Variants in OOSP3 observed in about 807,000 individuals in gnomAD.
OOSP3 encodes oocyte-secreted protein 3.
intron 2 of OOSP3, among the ~76,000 whole-genome samples, chr11:59,885,627 A>T (rs1590873376): frequency 6.6e-6 from 1 of 152,298 alleles, no homozygotes; most frequent in East Asian, 1.9e-4. Flanking sequence ...AACTCCATCC[A>T]TGTCCCAGCA....
chr11:59,880,637 A>G (rs976475612), intron 2 of OOSP3, among the ~76,000 whole-genome samples, 198 bp downstream of exon 2: 2 of 152,152 alleles, frequency 1.3e-5, no homozygotes, highest in Non-Finnish European at 2.9e-5. Context: ...GGAGGAGAAT[A>G]CTTCAACATA....
Position 59,895,660 on chromosome 11 carries a change from T to C in OOSP3, c.501+8T>C. ...TATTTTCAAAACTCCTCGGTGAGGA[T>C]CCTTAGAAGAGACAAAACATGGCAG... On this transcript the variant is annotated splice_region_variant and intron_variant, in intron 4 of 4. Transcript: ENST00000646438. 1 of 398,396 alleles carries C rather than the reference T, an allele frequency of 2.5e-6. No homozygotes were observed. Among genetic ancestry groups the C allele is most frequent in the Non-Finnish European group, 4.4e-6 (1 of 225,916 alleles). The allele number at this position is 398,396 out of a possible 1,614,324, so 24.7% of individuals were successfully genotyped here.
exon 5 of OOSP3, chr11:59,896,243 T>C (rs1853356615): frequency 2.5e-6 from 1 of 398,274 alleles, no homozygotes; most frequent in South Asian, 1.3e-4. Context: ...GAAAACTCTG[T>C]TGCTACAGCT....
intron 2 of OOSP3, among the ~76,000 whole-genome samples, chr11:59,889,058 A>AT (rs1590874375): frequency 6.6e-6 from 1 of 151,430 alleles, no homozygotes; most frequent in East Asian, 1.9e-4. Flanking sequence ...GAGTTTATCC[A>AT]TTTTTTTCTA....
intron 2 of OOSP3, among the ~76,000 whole-genome samples, chr11:59,888,509 G>A (rs1184487704): frequency 2.0e-5 from 3 of 152,096 alleles, no homozygotes; most frequent in Admixed American, 6.6e-5. Context: ...TAACATGAAG[G>A]GATGTTGAAT....
At chr11:59,895,440 C>T (rs1436646570) in intron 3 of OOSP3, 62 bp from the exon 4 acceptor site, 2 of 396,738 alleles carry the variant, frequency 5.0e-6, no homozygotes, top group Non-Finnish European at 8.9e-6. Flanking sequence ...AAGAGACTTA[C>T]TGGTTTGTTT....
chr11:59,892,264 G>C (rs1853318889), intron 2 of OOSP3, among the ~76,000 whole-genome samples: 1 of 152,144 alleles, frequency 6.6e-6, no homozygotes, highest in Admixed American at 6.5e-5. Flanking sequence ...TCCCTTGACT[G>C]GGGGAGGGAC....
chr11:59,882,084 C>G (rs1853207039), intron 2 of OOSP3, among the ~76,000 whole-genome samples: 1 of 151,964 alleles, frequency 6.6e-6, no homozygotes, highest in Non-Finnish European at 1.5e-5. Context: ...CAAAGTATGA[C>G]TTATTATGGA....
At chr11:59,889,602 G>A (rs964024107) in intron 2 of OOSP3, among the ~76,000 whole-genome samples, 5 of 151,298 alleles carry the variant, frequency 3.3e-5, no homozygotes, top group African/African-American at 1.2e-4. Flanking sequence ...GTAATTGTGT[G>A]GTTTTGAGTG....
chr11:59,882,989 C>A (rs1161737956), intron 2 of OOSP3, among the ~76,000 whole-genome samples: 1 of 152,050 alleles, frequency 6.6e-6, no homozygotes, highest in Non-Finnish European at 1.5e-5. Context: ...TAATTGTTTT[C>A]ATTTTTTGTT....
chr11:59,887,509 G>A (rs1026315182), intron 2 of OOSP3, among the ~76,000 whole-genome samples: 18 of 152,118 alleles, frequency 1.2e-4, no homozygotes, highest in African/African-American at 4.1e-4. Context: ...TCAATTTTCT[G>A]CATATGACTA....
At chr11:59,891,281 C>T (rs1045108870) in intron 2 of OOSP3, among the ~76,000 whole-genome samples, 1 of 152,200 alleles carries the variant, frequency 6.6e-6, no homozygotes, top group East Asian at 1.9e-4. Context: ...TCTGTCAGTT[C>T]ATCCATCTCA....
chr11:59,895,964 A>G (rs1418910939), intron 4 of OOSP3, among the ~76,000 whole-genome samples, 169 bp from the exon 5 acceptor site: 1 of 152,208 alleles, frequency 6.6e-6, no homozygotes, highest in African/African-American at 2.4e-5. Context: ...GTGCTCAGAC[A>G]CTTGAATAAA....
rs545822505 is a variant in OOSP3, at chr11:59,881,351, C to T, written c.252+912C>T. Among the ~76,000 whole-genome samples the T allele has an allele frequency of 9.5e-5, 14 of 146,712 alleles. No individual in the cohort carries two copies. The East Asian group carries it at 2.2e-3, about 23-fold the overall frequency. On this transcript the variant is annotated intron_variant, in intron 2 of 4. Transcript: ENST00000646438. The stretch of plus-strand genomic sequence containing the variant: ...CTGCACCCCAGCCTGGGTGACAGAG[C>T]GAGACTATCTCAAAAAAAAAAAAAA...
exon 4 of OOSP3, chr11:59,895,632 C>A: frequency 2.5e-6 from 1 of 398,366 alleles, no homozygotes; most frequent in Non-Finnish European, 4.4e-6. Flanking sequence ...GACTCGGATT[C>A]CATATTTTCA....
intron 3 of OOSP3, among the ~76,000 whole-genome samples, chr11:59,895,277 T>C (rs1277406758): frequency 1.3e-5 from 2 of 151,056 alleles, no homozygotes; most frequent in Admixed American, 6.6e-5. Flanking sequence ...CATTTTCCTA[T>C]GGTAGGACTT....
intron 2 of OOSP3, among the ~76,000 whole-genome samples, chr11:59,885,985 A>T (rs1334378427): frequency 6.6e-6 from 1 of 152,058 alleles, no homozygotes; most frequent in Admixed American, 6.5e-5. Flanking sequence ...TGCAACTATC[A>T]ATCCATCACC....
intron 2 of OOSP3, among the ~76,000 whole-genome samples, chr11:59,884,475 GTCTCTCTC>G (rs60145654): frequency 0.049 from 5,567 of 113,656 alleles, 125 homozygotes; most frequent in Middle Eastern, 0.071. Flanking sequence ...CTGTCTGTCT[GTCTCTCTC>G]TCTCTCTCTC....
At chr11:59,896,440 T>A (rs533037889) in exon 5 of OOSP3, 2 of 327,474 alleles carry the variant, frequency 6.1e-6, no homozygotes, top group East Asian at 9.2e-5. Flanking sequence ...ATAATTTGTA[T>A]GTGGAGTTGA....
Sources: gnomAD v4.1 joint callset for allele counts (sites outside exome capture counted in the v4.1 genomes callset) on GRCh38, gnomAD v4.1.1 for gene constraint, MANE v1.5 for transcripts, NCBI Gene and HGNC (gene_info 2026-07-23, HGNC 2026-07-21) for gene names.